FBXW9: variants seen among roughly 807,000 people sequenced by gnomAD.
FBXW9 encodes the protein F-box/WD repeat-containing protein 9.
FBXW9 carries 38 observed loss-of-function variants against 55.8 expected under a neutral mutation model. The observed-to-expected ratio is 0.68, with a 90% CI of 0.53 to 0.89. FBXW9 has a LOEUF of 0.89. Ranked by LOEUF, FBXW9 falls within the 40% of genes least tolerant of loss-of-function variation. The pLI, the probability that FBXW9 is intolerant of heterozygous loss-of-function variation, is 0.00. For synonymous variants in FBXW9, 289 were observed against 278.2 expected, an observed-to-expected ratio of 1.04 and a Z score of -0.38; for missense variants, 590 against 619.4, an observed-to-expected ratio of 0.95 and a Z score of 0.50.
intron 1 of FBXW9, 95 bp from the exon 2 acceptor site, chr19:12,695,033 C>G: frequency 1.4e-6 from 2 of 1,403,608 alleles, no homozygotes; most frequent in Non-Finnish European, 1.9e-6. Context: ...GGAGCCCACA[C>G]TACACCAGAC....
Position 12,691,153 on chromosome 19 carries a change from A to T in FBXW9, c.883+13T>A. ...GACATCTCCCAACCTGGGCCCCAGG[A>T]CCCTTGGCCCACCTCTGGGGTCGTA... On this transcript the variant is annotated intron_variant, in intron 5 of 9. Transcript: ENST00000393261. 6.2e-7 allele frequency: 1 copy of T among 1,609,948 alleles called. No individual in the cohort carries two copies. Among genetic ancestry groups the T allele is most frequent in the East Asian group, 2.2e-5 (1 of 44,842 alleles).
At position 12,689,142 on chromosome 19, in the gene FBXW9, T is replaced by C. The variant is rs570802283; in HGVS notation, c.*74A>G. The C allele has an allele frequency of 3.5e-4, 426 of 1,209,284 alleles. 2 individuals are homozygous for C. The African/African-American group carries it at 5.6e-3, about 16-fold the overall frequency. The allele number at this position is 1,209,284 out of a possible 1,614,324, so 74.9% of individuals were successfully genotyped here. On this transcript the variant is annotated 3_prime_UTR_variant, in exon 10 of 10. Transcript: ENST00000393261. The surrounding 1 kb of genome is among the most constrained non-coding windows in gnomAD (Gnocchi z 5.9). Reference sequence around the variant, plus strand: ...CACGGGGCGGAGGCAGCACCAACATTGGGGATGGTCCCCCAAGAACAGAGG... The same window carrying C: ...CACGGGGCGGAGGCAGCACCAACATCGGGGATGGTCCCCCAAGAACAGAGG...
Position 12,694,949 on chromosome 19 carries a change from C to T in FBXW9, c.410-11G>A, listed in dbSNP as rs772512616. Reference sequence around the variant, plus strand: ...AGTCAAAGTTCTTCTCTGTGGGTTACCACGAGTAGGGTGCCCAGTGGGCAG... The same window carrying T: ...AGTCAAAGTTCTTCTCTGTGGGTTATCACGAGTAGGGTGCCCAGTGGGCAG... On this transcript the variant is annotated splice_polypyrimidine_tract_variant and intron_variant, in intron 1 of 9. Transcript: ENST00000393261. 7 of 1,610,696 alleles carry T rather than the reference C, an allele frequency of 4.3e-6. No individual in the cohort carries two copies. The South Asian group carries it at 7.7e-5, about 18-fold the overall frequency.
chr19:12,690,010 G>C lies in FBXW9; in HGVS notation c.984C>G (p.Thr328=). 1 of 1,614,014 alleles carries C rather than the reference G, an allele frequency of 6.2e-7. No homozygotes were observed. The highest frequency in any genetic ancestry group is 8.5e-7 in the Non-Finnish European group (1 of 1,180,028). Residue 328 remains threonine (T), a synonymous_variant, in exon 6 of 10, where the codon ACC becomes ACG. Transcript: ENST00000393261. ...TGGCTCGGCGGTCCACCACCACCAG[G>C]GTGTGGTCCTCGCTGCCTGAGATGA... ...RHIISGSEDH[T]LVVVDRRANS...
At chr19:12,690,209 A>C (rs2024988571) in intron 5 of FBXW9, 99 bp from the exon 6 acceptor site, 1 of 1,571,378 alleles carries the variant, frequency 6.4e-7, no homozygotes, top group Non-Finnish European at 8.6e-7. Flanking sequence ...GTCTGGCAAA[A>C]CCCTCGATCT....
chr19:12,690,140 A>G, intron 5 of FBXW9, 30 bp from the exon 6 acceptor site: 3 of 1,612,376 alleles, frequency 1.9e-6, no homozygotes, highest in South Asian at 1.1e-5. Context: ...GTGAGGAGGG[A>G]TATCAGAGCC....
rs374555673 is a variant in FBXW9, at chr19:12,689,356, T to G, written c.1302+16A>C. The G allele has an allele frequency of 6.2e-7, 1 of 1,614,116 alleles. No homozygotes were observed. Among genetic ancestry groups the G allele is most frequent in the African/African-American group, 1.3e-5 (1 of 75,036 alleles). On this transcript the variant is annotated intron_variant, in intron 9 of 9. Transcript: ENST00000393261. This position sits in a 1 kb window ranked among gnomAD's most constrained non-coding sequence, Gnocchi z 5.9. ...GCTCTGGCCAGCTGGGCAGGGCACATGGGGCAGGACCTTACCCTATTGAGC... is the reference window on the plus strand; with the variant it reads ...GCTCTGGCCAGCTGGGCAGGGCACAGGGGGCAGGACCTTACCCTATTGAGC...
Position 12,696,283 on chromosome 19 carries a change from A to C in FBXW9, c.299T>G (p.Leu100Arg). The C allele has an allele frequency of 1.3e-6, 2 of 1,575,332 alleles. No individual in the cohort carries two copies. Among genetic ancestry groups the C allele is most frequent in the South Asian group, 2.3e-5 (2 of 86,824 alleles). Residue 100 changes from leucine to arginine, a missense_variant, in exon 1 of 10, where the codon CTC (leucine) becomes CGC (arginine). Transcript: ENST00000393261. The part of the protein sequence containing the change: ...ICSYLDARLV[L>R]HVLSRVCHAL... Reference sequence around the variant, plus strand: ...GTGGCACACCCGCGACAGGACGTGGAGCACGAGGCGGGCGTCCAGGTAGGA... The same window carrying C: ...GTGGCACACCCGCGACAGGACGTGGCGCACGAGGCGGGCGTCCAGGTAGGA...
intron 1 of FBXW9, 63 bp downstream of exon 1, chr19:12,696,110 G>T: frequency 6.9e-7 from 1 of 1,441,050 alleles, no homozygotes; most frequent in Non-Finnish European, 9.1e-7. Context: ...CCTCTTCCCC[G>T]CCCCAAGCCT....
intron 1 of FBXW9, 100 bp from the exon 2 acceptor site, chr19:12,695,038 C>T: frequency 7.2e-7 from 1 of 1,385,606 alleles, no homozygotes; most frequent in Non-Finnish European, 9.8e-7. Context: ...CCACACTACA[C>T]CAGACTTGGA....
intron 3 of FBXW9, among the ~76,000 whole-genome samples, chr19:12,691,980 T>C (rs1019755925): frequency 6.6e-6 from 1 of 152,026 alleles, no homozygotes; most frequent in Non-Finnish European, 1.5e-5. Flanking sequence ...GGTCTCAAAC[T>C]CCTGACCTTA....
chr19:12,689,048 TCC>T lies in FBXW9; in HGVS notation c.*166_*167del, dbSNP rs1206535678. 1 of 719,090 alleles carries T rather than the reference TCC, an allele frequency of 1.4e-6. No homozygotes were observed. Among genetic ancestry groups the T allele is most frequent in the Admixed American group, 2.0e-5 (1 of 50,074 alleles). 44.5% of individuals were successfully genotyped at this position (719,090 alleles called of 1,614,324 possible). A position where few individuals can be genotyped will look rare whatever the true frequency, so the allele number is the denominator to read the frequency against. The stretch of plus-strand genomic sequence containing the variant: ...TGGGCCTGAACCCCAATTTCACCCT[TCC>T]CCCGGGCATAGGGCCCAGGCCAGGA... On this transcript the variant is annotated 3_prime_UTR_variant, in exon 10 of 10. Transcript: ENST00000393261. The surrounding 1 kb of genome is among the most constrained non-coding windows in gnomAD (Gnocchi z 5.9).
In FBXW9 at chr19:12,696,321, C is replaced by A. The variant is rs973917092; in HGVS notation, c.261G>T (p.Leu87=). ...CGTCCAGGTAGGAGCAGATCTCGAG[C>A]AGCAGCTCCGGGGGAAGGCTCAGAA... is the stretch of plus-strand genomic sequence containing the variant. ...PGLLSLPPEL[L]LEICSYLDAR... Residue 87 remains leucine (L), a synonymous_variant, in exon 1 of 10, where the codon CTG becomes CTT. Transcript: ENST00000393261. 5 of 1,588,420 alleles carry A rather than the reference C, an allele frequency of 3.1e-6. No homozygotes were observed. The highest frequency in any genetic ancestry group is 1.8e-5 in the Admixed American group (1 of 55,322).
Position 12,689,600 on chromosome 19 carries a change from T to A in FBXW9, c.1177A>T (p.Thr393Ser). 1 of 1,613,998 alleles carries A rather than the reference T, an allele frequency of 6.2e-7. No homozygotes were observed. Among genetic ancestry groups the A allele is most frequent in the Non-Finnish European group, 8.5e-7 (1 of 1,179,984 alleles). ...GCTCCCACGGAGTACTGGATCCCAG[T>A]GATGGGAAAGCTGTGGCCCACATCA... ...SFDVGHSFPI[T>S]GIQYSVGALY... The change falls in exon 8 of 10, where the codon ACT (threonine) becomes TCT (serine). Residue 393 changes from threonine to serine, a missense_variant. By Grantham distance (58) the Thr-to-Ser change is moderately conservative. Transcript: ENST00000393261. The surrounding 1 kb of genome is among the most constrained non-coding windows in gnomAD (Gnocchi z 5.9).
rs1222612871 is a variant in FBXW9, at chr19:12,689,951, G to A, written c.1032+11C>T. The A allele has an allele frequency of 1.3e-5, 21 of 1,613,310 alleles. No homozygotes were observed. Among genetic ancestry groups the A allele is most frequent in the Non-Finnish European group, 1.8e-5 (21 of 1,179,576 alleles). On this transcript the variant is annotated intron_variant, in intron 6 of 9. Coordinates refer to ENST00000393261, the MANE Select transcript of FBXW9 (RefSeq NM_032301.3). This position sits in a 1 kb window ranked among gnomAD's most constrained non-coding sequence, Gnocchi z 5.9. ...AGTCCCCATCCCTCCAGGCCCCTGG[G>A]GAGGGCCCACCTGCAGACGCTGCAG...
chr19:12,691,571 A>G, intron 3 of FBXW9, 117 bp from the exon 4 acceptor site: 2 of 777,568 alleles, frequency 2.6e-6, no homozygotes, highest in African/African-American at 1.7e-5. Context: ...CCAAAGCCAC[A>G]TAGCTCTTCC....
At chr19:12,696,086 G>C in intron 1 of FBXW9, 87 bp downstream of exon 1, 8 of 1,301,574 alleles carry the variant, frequency 6.1e-6, no homozygotes, top group Non-Finnish European at 8.2e-6. Flanking sequence ...GCTGCATCCG[G>C]AACACCCCAT....
At chr19:12,693,195 C>G (rs2025027436) in intron 3 of FBXW9, among the ~76,000 whole-genome samples, 1 of 152,044 alleles carries the variant, frequency 6.6e-6, no homozygotes, top group African/African-American at 2.4e-5. Flanking sequence ...AAGCTCTCAG[C>G]TACCGGCCTG....
At position 12,690,121 on chromosome 19, in the gene FBXW9, G is replaced by A; in HGVS notation, c.884-11C>T. On this transcript the variant is annotated splice_polypyrimidine_tract_variant and intron_variant, in intron 5 of 9. Coordinates refer to ENST00000393261, the MANE Select transcript of FBXW9 (RefSeq NM_032301.3). ...ACAGGGCTGGGCCGGCTTCATGGGTGATGGGCCGGTGAGGAGGGATATCAG... is the reference window on the plus strand; with the variant it reads ...ACAGGGCTGGGCCGGCTTCATGGGTAATGGGCCGGTGAGGAGGGATATCAG... 1 of 1,613,444 alleles carries A rather than the reference G, an allele frequency of 6.2e-7. No homozygotes were observed.
Sources: allele counts gnomAD v4.1 joint callset (sites outside exome capture counted in the v4.1 genomes callset), GRCh38; gene constraint gnomAD v4.1.1; non-coding constraint Gnocchi (gnomAD v3.1); transcripts MANE v1.5; gene names NCBI Gene and HGNC (gene_info 2026-07-23, HGNC 2026-07-21).